The following SPDL1 variants were observed in gnomAD, a reference collection of about 807,000 sequenced individuals.
SPDL1 encodes protein Spindly.
In SPDL1, 85 loss-of-function variants were observed where a neutral mutation model predicts 79.5. The observed-to-expected ratio is 1.07, with a 90% CI of 0.90 to 1.28. The LOEUF is 1.28. Ranked by LOEUF, SPDL1 falls within the 50% of genes most tolerant of loss-of-function variation. The pLI, the probability that SPDL1 is intolerant of heterozygous loss-of-function variation, is 0.00. For missense variants in SPDL1, 703 were observed against 697.8 expected, an observed-to-expected ratio of 1.01 and a Z score of -0.08; for synonymous variants, 269 against 240.3, an observed-to-expected ratio of 1.12 and a Z score of -1.10.
intron 2 of SPDL1, among the ~76,000 whole-genome samples, chr5:169,590,502 C>T (rs1192859352): frequency 6.6e-6 from 1 of 152,224 alleles, no homozygotes; most frequent in Non-Finnish European, 1.5e-5. Flanking sequence ...AATGTCTAAA[C>T]TTCCCTGTGA....
chr5:169,585,612 G>A (rs748663669), intron 1 of SPDL1, among the ~76,000 whole-genome samples: 39 of 152,342 alleles, frequency 2.6e-4, no homozygotes, highest in Middle Eastern at 3.4e-3. Flanking sequence ...CTCAACGAAT[G>A]TAAGTTATTG....
Position 169,596,704 on chromosome 5 carries a change from A to G in SPDL1, c.1032+3A>G. 1 of 1,581,000 alleles carries G rather than the reference A, an allele frequency of 6.3e-7. No individual in the cohort carries two copies. Among genetic ancestry groups the G allele is most frequent in the Non-Finnish European group, 8.5e-7 (1 of 1,170,640 alleles). ...TTAGAAATCTGGAGAAATTTAAGGTATGTATAACAGTTAAAAAAACACACA... is the reference window on the plus strand; with the variant it reads ...TTAGAAATCTGGAGAAATTTAAGGTGTGTATAACAGTTAAAAAAACACACA... On this transcript the variant is annotated splice_donor_region_variant and intron_variant, in intron 8 of 11. Coordinates refer to ENST00000265295, the MANE Select transcript of SPDL1 (RefSeq NM_017785.5).
chr5:169,589,559 C>CT (rs11313055), intron 2 of SPDL1, among the ~76,000 whole-genome samples: 1,918 of 140,692 alleles, frequency 0.014, 43 homozygotes, highest in African/African-American at 0.04. Context: ...CAGCTATTGC[C>CT]TTTTTTTTTT....
Position 169,604,371 on chromosome 5 carries a change from T to C in SPDL1, c.*164T>C. Reference sequence around the variant, plus strand: ...ACCAAGTGTTCAGAATTTGCTTGACTCTAACCTGGAGAGCTTCTTAAGTGA... The same window carrying C: ...ACCAAGTGTTCAGAATTTGCTTGACCCTAACCTGGAGAGCTTCTTAAGTGA... On this transcript the variant is annotated 3_prime_UTR_variant, in exon 12 of 12. Transcript: ENST00000265295. 2 of 570,242 alleles carry C rather than the reference T, an allele frequency of 3.5e-6. No individual in the cohort carries two copies. Among genetic ancestry groups the C allele is most frequent in the East Asian group, 3.3e-5 (1 of 29,918 alleles). 35.3% of individuals were successfully genotyped at this position (570,242 alleles called of 1,614,324 possible).
Position 169,594,221 on chromosome 5 carries a change from G to A in SPDL1, c.608G>A (p.Arg203His), listed in dbSNP as rs138841185. 5.6e-6 allele frequency: 9 copies of A among 1,613,842 alleles called. No homozygotes were observed. The highest frequency in any genetic ancestry group is 2.2e-5 in the East Asian group (1 of 44,876). Residue 203 changes from arginine to histidine, a missense_variant, in exon 5 of 12, where the codon CGC (arginine) becomes CAC (histidine). By Grantham distance (29) the Arg-to-His change is conservative. Coordinates refer to ENST00000265295, the MANE Select transcript of SPDL1 (RefSeq NM_017785.5). ...GAACTTCTTATTACTAACCTAATGC[G>A]CCAGGTAGACCGGCTTAAAGAGGAA... The part of the protein sequence containing the change: ...QLELLITNLM[R>H]QVDRLKEEKE...
Position 169,593,917 on chromosome 5 carries a change from A to C in SPDL1, c.532-228A>C, listed in dbSNP as rs183460453. Among the ~76,000 whole-genome samples, 613 of 152,320 alleles carry C rather than the reference A, an allele frequency of 4.0e-3. 10 individuals are homozygous for C. The highest frequency in any genetic ancestry group is 0.014 in the African/African-American group (590 of 41,582). ...GAAAGCTAAGGTTAATTAAAAATTA[A>C]AGCCTGAAATTGATAGAGGAAAAAG... is the stretch of plus-strand genomic sequence containing the variant. On this transcript the variant is annotated intron_variant, in intron 4 of 11. Coordinates refer to ENST00000265295, the MANE Select transcript of SPDL1 (RefSeq NM_017785.5).
intron 10 of SPDL1, among the ~76,000 whole-genome samples, chr5:169,600,372 C>CATGTTTGAACTTTGCTG (rs1298288772): frequency 6.6e-6 from 1 of 152,212 alleles, no homozygotes; most frequent in African/African-American, 2.4e-5. Context: ...TTTCAAACAT[C>CATGTTTGAACTTTGCTG]TGTTGAACTG....
intron 8 of SPDL1, among the ~76,000 whole-genome samples, chr5:169,598,036 G>T (rs546774215): frequency 3.9e-5 from 6 of 152,132 alleles, no homozygotes; most frequent in East Asian, 1.9e-4. Context: ...TGCCTGGGGT[G>T]GGGGGAAGAA....
chr5:169,594,310 T>G lies in SPDL1; in HGVS notation c.681+16T>G. The G allele has an allele frequency of 6.2e-7, 1 of 1,612,840 alleles. No homozygotes were observed. The highest frequency in any genetic ancestry group is 8.5e-7 in the Non-Finnish European group (1 of 1,179,242). On this transcript the variant is annotated intron_variant, in intron 5 of 11. Transcript: ENST00000265295. ...TGCCCTAGAGGTACTATGATTACAG[T>G]AACATCATGTTTTCCAATTTATCAT...
At chr5:169,598,909 A>G (rs1755735415) in intron 9 of SPDL1, 63 bp from the exon 10 acceptor site, 3 of 1,484,524 alleles carry the variant, frequency 2.0e-6, no homozygotes, top group Admixed American at 2.6e-5. Flanking sequence ...TGAAATATTT[A>G]TACCACTACA....
chr5:169,599,262 A>AG, intron 10 of SPDL1, 103 bp downstream of exon 10: 1 of 986,456 alleles, frequency 1.0e-6, no homozygotes, highest in Non-Finnish European at 1.4e-6. Flanking sequence ...TTACAAACTC[A>AG]TTTGTAGTTA....
chr5:169,600,831 T>C (rs1755837772), intron 10 of SPDL1, among the ~76,000 whole-genome samples: 3 of 152,226 alleles, frequency 2.0e-5, no homozygotes, highest in African/African-American at 7.2e-5. Context: ...TAATACACAA[T>C]ACCAAGTGAA....
At chr5:169,595,276 G>C (rs1755531055) in intron 7 of SPDL1, 1 of 152,234 alleles carries the variant, frequency 6.6e-6, no homozygotes, top group African/African-American at 2.4e-5. Context: ...CATCCATTGT[G>C]CCTCACTCTA....
intron 9 of SPDL1, 148 bp downstream of exon 9, chr5:169,598,727 G>C (rs1411140420): frequency 1.1e-6 from 1 of 915,952 alleles, no homozygotes; most frequent in South Asian, 1.5e-5. Context: ...ATATTCATGT[G>C]TGAATACATT....
intron 2 of SPDL1, among the ~76,000 whole-genome samples, chr5:169,589,241 A>T (rs900772086): frequency 6.6e-6 from 1 of 152,166 alleles, no homozygotes; most frequent in African/African-American, 2.4e-5. Flanking sequence ...TGTAGTCCAG[A>T]TCACCATCAT....
At chr5:169,592,502 A>G (rs1253426684) in intron 3 of SPDL1, among the ~76,000 whole-genome samples, 1 of 152,160 alleles carries the variant, frequency 6.6e-6, no homozygotes, top group Non-Finnish European at 1.5e-5. Flanking sequence ...GGCCTGAGCC[A>G]CTGCGCCTGG....
intron 8 of SPDL1, among the ~76,000 whole-genome samples, chr5:169,597,232 T>TTGTGTGTG (rs56336716): frequency 7.4e-5 from 11 of 149,206 alleles, no homozygotes; most frequent in African/African-American, 2.0e-4. Flanking sequence ...GTGTAAGCAT[T>TTGTGTGTG]TGTGTGTGTG....
chr5:169,591,361 G>A, intron 3 of SPDL1, 137 bp downstream of exon 3: 1 of 788,540 alleles, frequency 1.3e-6, no homozygotes, highest in South Asian at 2.0e-5. Context: ...CTTAATATTG[G>A]GGGTGGGAAC....
intron 1 of SPDL1, 87 bp downstream of exon 1, chr5:169,583,976 G>A (rs1025639734): frequency 6.6e-6 from 1 of 152,444 alleles, no homozygotes; most frequent in African/African-American, 2.4e-5. Flanking sequence ...TAGGGGCCGG[G>A]GTCTCGGCCG....
Sources: allele counts gnomAD v4.1 joint callset (sites outside exome capture counted in the v4.1 genomes callset), GRCh38; gene constraint gnomAD v4.1.1; transcripts MANE v1.5; gene names NCBI Gene and HGNC (gene_info 2026-07-23, HGNC 2026-07-21).